Variants in CDK11A observed in about 807,000 individuals in gnomAD.
CDK11A encodes the protein cyclin-dependent kinase 11A.
CDK11A carries 55 observed loss-of-function variants against 83.6 expected under a neutral mutation model. That is an observed-to-expected ratio of 0.66 (90% confidence interval 0.53 to 0.82). The LOEUF (loss-of-function observed/expected upper bound fraction) is 0.82, where lower values mean the gene tolerates loss of function less well. Among genes scored for constraint, CDK11A ranks in the 40% least tolerant of loss-of-function variants. The pLI, the probability that CDK11A is intolerant of heterozygous loss-of-function variation, is 0.00. For missense variants in CDK11A, 564 were observed against 810.1 expected, an observed-to-expected ratio of 0.70 and a Z score of 3.69; for synonymous variants, 247 against 302.7, an observed-to-expected ratio of 0.82 and a Z score of 1.91.
At position 1,704,662 on chromosome 1, in the gene CDK11A, G is replaced by A. The variant is rs1174814275; in HGVS notation, c.1459-7C>T. 4 of 1,596,340 alleles carry A rather than the reference G, an allele frequency of 2.5e-6. No individual in the cohort carries two copies. In the South Asian group the frequency reaches 3.4e-5, roughly 13 times the overall value. ...TGCTGCCCACCACAATCTCCTGCAGGGCACGGCTCTGTGGGTGCTGGGCAC... is the reference window on the plus strand; with the variant it reads ...TGCTGCCCACCACAATCTCCTGCAGAGCACGGCTCTGTGGGTGCTGGGCAC... On this transcript the variant is annotated splice_polypyrimidine_tract_variant and splice_region_variant and intron_variant, in intron 13 of 19. Transcript: ENST00000404249.
intron 2 of CDK11A, among the ~76,000 whole-genome samples, chr1:1,722,033 C>A (rs1644924506): frequency 6.6e-6 from 1 of 150,738 alleles, no homozygotes; most frequent in Non-Finnish European, 1.5e-5. Context: ...CCCCTGTAGT[C>A]CCAGCTACTC....
At chr1:1,705,779 G>A in intron 11 of CDK11A, 47 bp from the exon 12 acceptor site, 1 of 515,340 alleles carries the variant, frequency 1.9e-6, no homozygotes, top group Non-Finnish European at 3.4e-6. Flanking sequence ...ATGCCAGCTG[G>A]AGGGAGGGCG....
rs1644130466 is a variant in CDK11A at position 1,702,691 on chromosome 1, C to T, written c.*216G>A. The stretch of plus-strand genomic sequence containing the variant: ...GGTTTGTGCTGCCCCACGTGGGCAC[C>T]CGAAGATGCCCTGGCAAGTCACGGA... On this transcript the variant is annotated 3_prime_UTR_variant, in exon 20 of 20. Coordinates refer to ENST00000404249, the MANE Select transcript of CDK11A (RefSeq NM_024011.4). The T allele has an allele frequency of 4.9e-6, 3 of 617,824 alleles. No individual in the cohort carries two copies. The allele number at this position is 617,824 out of a possible 1,614,324, so 38.3% of individuals were successfully genotyped here. A position where few individuals can be genotyped will look rare whatever the true frequency, so the allele number is the denominator to read the frequency against.
chr1:1,718,210 C>G (rs113003717), intron 4 of CDK11A, among the ~76,000 whole-genome samples: 1 of 143,856 alleles, frequency 7.0e-6, no homozygotes, highest in South Asian at 2.3e-4. Context: ...GGTATTCTCT[C>G]TATAGCCCTT....
At chr1:1,722,603 GT>G (rs1261370566) in intron 2 of CDK11A, 104 bp downstream of exon 2, 17 of 467,902 alleles carry the variant, frequency 3.6e-5, no homozygotes, top group Admixed American at 5.2e-5. Context: ...ACATTTGGAA[GT>G]ACAAAAGAAC....
Position 1,716,419 on chromosome 1 carries a change from G to A in CDK11A, c.415C>T (p.Gln139Ter), listed in dbSNP as rs201054761. The A allele has an allele frequency of 1.4e-4, 221 of 1,608,282 alleles. 13 individuals are homozygous for A. Among genetic ancestry groups the A allele is most frequent in the Non-Finnish European group, 1.8e-4 (209 of 1,176,050 alleles). Residue 139 changes from glutamine to a stop codon, truncating the protein, a stop_gained, in exon 5 of 20, where the codon CAG (glutamine) becomes TAG (stop). Coordinates refer to ENST00000404249, the MANE Select transcript of CDK11A (RefSeq NM_024011.4). LOFTEE classifies it high-confidence loss of function. ...TCCCATTCCCGGCGAGCTTTATCCT[G>A]TTCTTCTCGATGTCGTTTCCGACGT... Reference protein sequence around the residue: ...HERRKRHREEQDKARREWERQ... With the variant: ...HERRKRHREE
intron 3 of CDK11A, 122 bp downstream of exon 3, chr1:1,721,474 C>T: frequency 8.5e-7 from 1 of 1,174,906 alleles, no homozygotes; most frequent in Non-Finnish European, 1.2e-6. Flanking sequence ...GTCACGGTAA[C>T]TCTAGGAAAG....
intron 4 of CDK11A, among the ~76,000 whole-genome samples, chr1:1,718,113 G>A (rs1170950700): frequency 7.6e-6 from 1 of 131,102 alleles, no homozygotes; most frequent in Non-Finnish European, 1.6e-5. Flanking sequence ...GCTCTTTCTG[G>A]TTTTCGGTCT....
In CDK11A at chr1:1,704,144, C is replaced by T. The variant is rs781546783; in HGVS notation, c.1689G>A (p.Val563=). The T allele has an allele frequency of 1.2e-6, 2 of 1,606,164 alleles. No individual in the cohort carries two copies. The highest frequency in any genetic ancestry group is 1.7e-6 in the Non-Finnish European group (2 of 1,175,326). ...LLLSHAGILK[V]GDFGLAREYG... is the part of the protein sequence containing the mutation. ...ACTCCCGCGCCAGCCCAAAATCACC[C>T]ACCTGCAACGACAGATGGGCGGCTG... The change falls in exon 16 of 20, where the codon GTG becomes GTA. Residue 563 remains valine (V), a splice_region_variant and synonymous_variant. Coordinates refer to ENST00000404249, the MANE Select transcript of CDK11A (RefSeq NM_024011.4).
Position 1,721,755 on chromosome 1 carries a change from T to G in CDK11A, c.112-44A>C, listed in dbSNP as rs755604551. On this transcript the variant is annotated intron_variant, in intron 2 of 19. Transcript: ENST00000404249. ...GTTAATCATTTTCTTTATAAGTTTTTTTTTCTTCATAGATAAAAGTATTTT... is the reference window on the plus strand; with the variant it reads ...GTTAATCATTTTCTTTATAAGTTTTGTTTTCTTCATAGATAAAAGTATTTT... The G allele has an allele frequency of 2.0e-6, 3 of 1,475,328 alleles. No homozygotes were observed. The African/African-American group carries it at 4.3e-5, about 21-fold the overall frequency. The allele number at this position is 1,475,328 out of a possible 1,614,324, so 91.4% of individuals were successfully genotyped here.
rs1297586673 is a variant in CDK11A at position 1,703,783 on chromosome 1, C to T, written c.1911+41G>A. On this transcript the variant is annotated intron_variant, in intron 17 of 19. Transcript: ENST00000404249. Reference sequence around the variant, plus strand: ...CCCCGCAGCCCCATTCCTGCAACTCCTCTGAAATCCATAGCGCACCTGCGG... The same window carrying T: ...CCCCGCAGCCCCATTCCTGCAACTCTTCTGAAATCCATAGCGCACCTGCGG... 1.1e-5 allele frequency: 17 copies of T among 1,605,234 alleles called. 1 individual carries two copies. The highest frequency in any genetic ancestry group is 1.4e-5 in the Non-Finnish European group (17 of 1,174,336).
intron 5 of CDK11A, among the ~76,000 whole-genome samples, 175 bp downstream of exon 5, chr1:1,716,171 C>T (rs144422559): frequency 0.01 from 1,535 of 147,576 alleles, 73 homozygotes; most frequent in African/African-American, 0.036. Context: ...AGTGAAAACT[C>T]ACTCCCTCAG....
Position 1,704,601 on chromosome 1 carries a change from C to T in CDK11A, c.1513G>A (p.Glu505Lys), listed in dbSNP as rs1426072836. 1.9e-6 allele frequency: 3 copies of T among 1,602,212 alleles called. No individual in the cohort carries two copies. Among genetic ancestry groups the T allele is most frequent in the Non-Finnish European group, 2.6e-6 (3 of 1,173,640 alleles). ...DKIYIVMNYV[E>K]HDLKSLMETM... ...TCCATCAGGCTCTTGAGGTCGTGCT[C>T]CACGTAGTTCATCACGATGTAGATC... is the stretch of plus-strand genomic sequence containing the variant. The change falls in exon 14 of 20, where the codon GAG becomes AAG. Residue 505 changes from glutamate (E) to lysine (K), a missense_variant. Coordinates refer to ENST00000404249, the MANE Select transcript of CDK11A (RefSeq NM_024011.4).
chr1:1,718,606 T>C (rs1206098301), intron 4 of CDK11A, among the ~76,000 whole-genome samples: 2 of 150,212 alleles, frequency 1.3e-5, no homozygotes, highest in Non-Finnish European at 3.0e-5. Flanking sequence ...CTGAACGGTC[T>C]GTGACGCACG....
intron 11 of CDK11A, among the ~76,000 whole-genome samples, chr1:1,706,209 AGT>A (rs1644304131): frequency 6.7e-6 from 1 of 149,936 alleles, no homozygotes; most frequent in Non-Finnish European, 1.5e-5. Context: ...AGTAGCTGGG[AGT>A]ATAGGTACGC....
At chr1:1,717,097 A>G (rs1407740946) in intron 4 of CDK11A, among the ~76,000 whole-genome samples, 1 of 150,738 alleles carries the variant, frequency 6.6e-6, no homozygotes, top group Non-Finnish European at 1.5e-5. Flanking sequence ...CTTTGAAAAT[A>G]GAAAACTATC....
At position 1,707,409 on chromosome 1, in the gene CDK11A, C is replaced by T. The variant is rs371163262; in HGVS notation, c.1245G>A (p.Gln415=). The change falls in exon 11 of 20, where the codon CAG becomes CAA. Residue 415 remains glutamine, a splice_region_variant and synonymous_variant. Coordinates refer to ENST00000404249, the MANE Select transcript of CDK11A (RefSeq NM_024011.4). The stretch of plus-strand genomic sequence containing the variant: ...GCCCGGGGCGAGGGGAGGGCCTGAC[C>T]TGCAGGGCCGGCAGGTACTTGGGCA... ...QELPKYLPAL[Q]GCRSVEEFQC... 3.7e-6 allele frequency: 6 copies of T among 1,607,610 alleles called. 1 individual carries two copies. In the African/African-American group the frequency reaches 6.7e-5, roughly 18 times the overall value.
At chr1:1,715,185 T>G (rs1644590681) in intron 5 of CDK11A, among the ~76,000 whole-genome samples, 1 of 112,884 alleles carries the variant, frequency 8.9e-6, no homozygotes, top group Non-Finnish European at 2.0e-5. Flanking sequence ...AGATTATCCT[T>G]ATCAGTTTCC....
chr1:1,703,728 T>C lies in CDK11A; in HGVS notation c.1911+96A>G. On this transcript the variant is annotated intron_variant, in intron 17 of 19. Transcript: ENST00000404249. ...CCACCAGGAGGGCTCTCAGTGGCCC[T>C]GGTCCCCATCTCAACCCAGCACCTG... 3.2e-6 allele frequency: 5 copies of C among 1,551,768 alleles called. 1 individual carries two copies. The highest frequency in any genetic ancestry group is 2.4e-5 in the East Asian group (1 of 42,156).
Sources: allele counts gnomAD v4.1 joint callset (sites outside exome capture counted in the v4.1 genomes callset), GRCh38; gene constraint gnomAD v4.1.1; transcripts MANE v1.5; gene names NCBI Gene and HGNC (gene_info 2026-07-23, HGNC 2026-07-21).